The following P2RY2 variants were observed in gnomAD, a reference collection of about 807,000 sequenced individuals.
P2RY2 encodes purinergic receptor P2Y2, also known as P2Y purinoceptor 2.
For missense variants in P2RY2, 567 were observed against 515.7 expected, an observed-to-expected ratio of 1.10 and a Z score of -0.96; for synonymous variants, 241 against 231.9, an observed-to-expected ratio of 1.04 and a Z score of -0.35.
At position 73,228,039 on chromosome 11, in the gene P2RY2, C is replaced by T. The variant is rs1185819028; in HGVS notation, c.-141C>T. 1 of 152,226 alleles carries T rather than the reference C, an allele frequency of 6.6e-6. No homozygotes were observed. Among genetic ancestry groups the T allele is most frequent in the Non-Finnish European group, 1.5e-5 (1 of 68,080 alleles). 9.4% of individuals were successfully genotyped at this position (152,226 alleles called of 1,614,324 possible). A position where few individuals can be genotyped will look rare whatever the true frequency, so the allele number is the denominator to read the frequency against. ...AAAAATGCTGGAGGCTGGGCGTGGC[C>T]CCAGGCCTGGGGACCTGTTTTTCCT... On this transcript the variant is annotated 5_prime_UTR_variant, in exon 2 of 3. Coordinates refer to ENST00000393597, the MANE Select transcript of P2RY2 (RefSeq NM_002564.4).
At chr11:73,231,683 C>A (rs1260911434) in intron 2 of P2RY2, among the ~76,000 whole-genome samples, 2 of 152,166 alleles carry the variant, frequency 1.3e-5, no homozygotes, top group Non-Finnish European at 2.9e-5. Flanking sequence ...GGAAAAGCAG[C>A]TCAGGGTCTA....
In P2RY2 at chr11:73,237,877, C is replaced by G. The variant is rs1862691255; in HGVS notation, c.*2584C>G. Among the ~76,000 whole-genome samples, 2 of 152,220 alleles carry G rather than the reference C, an allele frequency of 1.3e-5. No individual in the cohort carries two copies. The highest frequency in any genetic ancestry group is 4.8e-5 in the African/African-American group (2 of 41,464). On this transcript the variant is annotated 3_prime_UTR_variant, in exon 3 of 3. Transcript: ENST00000393597. ...TCCACTCCTGGCCCCAGACCATTGT[C>G]CAGCAGTGACGTGAGGGGATCTGCC...
At chr11:73,223,089 C>T (rs191095407) in intron 1 of P2RY2, among the ~76,000 whole-genome samples, 11 of 152,234 alleles carry the variant, frequency 7.2e-5, no homozygotes, top group East Asian at 3.9e-4. Flanking sequence ...TCAGGAGCAA[C>T]GAGTAATAGA....
chr11:73,236,439 G>A lies in P2RY2; in HGVS notation c.*1146G>A. The A allele has an allele frequency of 1.6e-6, 1 of 610,398 alleles. No individual in the cohort carries two copies. 37.8% of individuals were successfully genotyped at this position (610,398 alleles called of 1,614,324 possible). A position where few individuals can be genotyped will look rare whatever the true frequency, so the allele number is the denominator to read the frequency against. ...GATAATGCCGAGTGGCTGGGGCTGT[G>A]AGCCAGGGGGTCAGGGAAGGGTTCC... On this transcript the variant is annotated 3_prime_UTR_variant, in exon 3 of 3. Coordinates refer to ENST00000393597, the MANE Select transcript of P2RY2 (RefSeq NM_002564.4).
chr11:73,228,575 A>G lies in P2RY2; in HGVS notation c.-5+400A>G, dbSNP rs566526610. ...CCTCAGACAGCCAATCCATCTCCAGAGCGCCCATGTCCAATCCCCTCCCAC... is the reference window on the plus strand; with the variant it reads ...CCTCAGACAGCCAATCCATCTCCAGGGCGCCCATGTCCAATCCCCTCCCAC... On this transcript the variant is annotated intron_variant, in intron 2 of 2. Transcript: ENST00000393597. Among the ~76,000 whole-genome samples the G allele has an allele frequency of 9.1e-4, 138 of 152,280 alleles. 1 individual carries two copies. Among genetic ancestry groups the G allele is most frequent in the Non-Finnish European group, 1.3e-3 (91 of 68,012 alleles).
Position 73,241,756 on chromosome 11 carries a change from G to A in P2RY2, c.*6463G>A, listed in dbSNP as rs1227421052. The A allele has an allele frequency of 6.6e-6, 1 of 152,336 alleles. No individual in the cohort carries two copies. Among genetic ancestry groups the A allele is most frequent in the East Asian group, 1.9e-4 (1 of 5,190 alleles). 9.4% of individuals were successfully genotyped at this position (152,336 alleles called of 1,614,324 possible). ...GAAAGGGACCAATGTGTCTTTCCTGGTGATGCTACAGCCCTCTCTTGCTGA... is the reference window on the plus strand; with the variant it reads ...GAAAGGGACCAATGTGTCTTTCCTGATGATGCTACAGCCCTCTCTTGCTGA... On this transcript the variant is annotated 3_prime_UTR_variant, in exon 3 of 3. Coordinates refer to ENST00000393597, the MANE Select transcript of P2RY2 (RefSeq NM_002564.4).
chr11:73,229,764 C>T (rs977895558), intron 2 of P2RY2, among the ~76,000 whole-genome samples: 1 of 152,100 alleles, frequency 6.6e-6, no homozygotes, highest in Non-Finnish European at 1.5e-5. Context: ...GCAGGAAACT[C>T]TTCATGCAGG....
rs1299975465 is a variant in P2RY2, at chr11:73,234,607, G to A, written c.448G>A (p.Ala150Thr). Residue 150 changes from alanine to threonine, a missense_variant, in exon 3 of 3, where the codon GCT (alanine) becomes ACT (threonine). By Grantham distance (58) the Ala-to-Thr change is moderately conservative (BLOSUM62 0). Coordinates refer to ENST00000393597, the MANE Select transcript of P2RY2 (RefSeq NM_002564.4). ...CCTGCGCTGGGGCCGGGCCCGCTAC[G>A]CTCGCCGGGTGGCCGGGGCCGTGTG... ...RSLRWGRARY[A>T]RRVAGAVWVL... The A allele has an allele frequency of 6.4e-7, 1 of 1,566,118 alleles. No individual in the cohort carries two copies. The highest frequency in any genetic ancestry group is 8.7e-7 in the Non-Finnish European group (1 of 1,155,274).
intron 2 of P2RY2, among the ~76,000 whole-genome samples, chr11:73,229,016 C>CATTT (rs1862370240): frequency 1.3e-5 from 2 of 152,022 alleles, no homozygotes; most frequent in Admixed American, 1.3e-4. Flanking sequence ...TTCATTCATT[C>CATTT]ATTCATTCTC....
In P2RY2 at chr11:73,236,916, A is replaced by G; in HGVS notation, c.*1623A>G. ...CCTAGCCTTTGGAAAGGGACAGGGC[A>G]AAGCTGACAGGCCTCACTCTTGATC... On this transcript the variant is annotated 3_prime_UTR_variant, in exon 3 of 3. Coordinates refer to ENST00000393597, the MANE Select transcript of P2RY2 (RefSeq NM_002564.4). 1.0e-6 allele frequency: 1 copy of G among 985,108 alleles called. No homozygotes were observed. The highest frequency in any genetic ancestry group is 1.2e-6 in the Non-Finnish European group (1 of 829,714). The allele number at this position is 985,108 out of a possible 1,614,324, so 61.0% of individuals were successfully genotyped here. A position where few individuals can be genotyped will look rare whatever the true frequency, so the allele number is the denominator to read the frequency against.
intron 2 of P2RY2, among the ~76,000 whole-genome samples, chr11:73,228,961 C>T (rs955506994): frequency 6.6e-6 from 1 of 151,896 alleles, no homozygotes; most frequent in Non-Finnish European, 1.5e-5. Context: ...CTGTGTGTGC[C>T]TCCTCTGGGC....
chr11:73,242,224 CAT>C lies in P2RY2; in HGVS notation c.*6932_*6933del, dbSNP rs1287049988. On this transcript the variant is annotated 3_prime_UTR_variant, in exon 3 of 3. Coordinates refer to ENST00000393597, the MANE Select transcript of P2RY2 (RefSeq NM_002564.4). ...GAACCAAATTCCAAATCAGCAGCCA[CAT>C]GAAAAGTCCCCTCCTCTCTGGCGTG... 16 of 152,320 alleles carry C rather than the reference CAT, an allele frequency of 1.1e-4. No individual in the cohort carries two copies. In the East Asian group the frequency reaches 3.1e-3, roughly 29 times the overall value. The allele number at this position is 152,320 out of a possible 1,614,324, so 9.4% of individuals were successfully genotyped here. A position where few individuals can be genotyped will look rare whatever the true frequency, so the allele number is the denominator to read the frequency against.
rs1232001406 is a variant in P2RY2, at chr11:73,240,005, C to G, written c.*4712C>G. On this transcript the variant is annotated 3_prime_UTR_variant, in exon 3 of 3. Coordinates refer to ENST00000393597, the MANE Select transcript of P2RY2 (RefSeq NM_002564.4). ...GAAGGGTTGGGGTGAGAACTGAGCC[C>G]GAGTCGAACTCATCCTCCTCTGCCC... is the stretch of plus-strand genomic sequence containing the variant. The G allele has an allele frequency of 6.6e-6, 1 of 152,424 alleles. No individual in the cohort carries two copies. Among genetic ancestry groups the G allele is most frequent in the Non-Finnish European group, 1.5e-5 (1 of 68,238 alleles). The allele number at this position is 152,424 out of a possible 1,614,324, so 9.4% of individuals were successfully genotyped here. A position where few individuals can be genotyped will look rare whatever the true frequency, so the allele number is the denominator to read the frequency against.
At position 73,234,221 on chromosome 11, in the gene P2RY2, T is replaced by A. The variant is rs1457589729; in HGVS notation, c.62T>A (p.Leu21Gln). ...TINGTWDGDE[L>Q]GYRCRFNEDF... ...AATGGCACCTGGGATGGGGATGAGC[T>A]GGGCTACAGGTGCCGCTTCAACGAG... Residue 21 changes from leucine to glutamine, a missense_variant, in exon 3 of 3, where the codon CTG (leucine) becomes CAG (glutamine). Leu to Gln is a moderately radical substitution (Grantham distance 113). Transcript: ENST00000393597. 1 of 1,614,158 alleles carries A rather than the reference T, an allele frequency of 6.2e-7. No homozygotes were observed.
rs775568637 is a variant in P2RY2 at position 73,234,739 on chromosome 11, C to G, written c.580C>G (p.Arg194Gly). ...CACCTCGGCACCCGAGCTCTTCAGC[C>G]GCTTCGTGGCCTACAGCTCAGTCAT... ...HDTSAPELFS[R>G]FVAYSSVMLG... The change falls in exon 3 of 3, where the codon CGC becomes GGC. Residue 194 changes from arginine (R) to glycine (G), a missense_variant. Coordinates refer to ENST00000393597, the MANE Select transcript of P2RY2 (RefSeq NM_002564.4). 2.5e-6 allele frequency: 4 copies of G among 1,610,158 alleles called. No individual in the cohort carries two copies. In the South Asian group the frequency reaches 4.4e-5, roughly 18 times the overall value.
intron 2 of P2RY2, among the ~76,000 whole-genome samples, chr11:73,230,912 T>G (rs1409090923): frequency 7.6e-5 from 2 of 26,234 alleles, no homozygotes; most frequent in Non-Finnish European, 1.4e-4. Flanking sequence ...CTCTGGATTT[T>G]TGTGGGTGGG....
chr11:73,221,604 C>G (rs1163587080), intron 1 of P2RY2, among the ~76,000 whole-genome samples: 2 of 152,156 alleles, frequency 1.3e-5, no homozygotes, highest in African/African-American at 4.8e-5. Flanking sequence ...TGGGGGTTGC[C>G]CCTCATGCCT....
chr11:73,232,397 A>G (rs1392391199), intron 2 of P2RY2, among the ~76,000 whole-genome samples: 1 of 150,504 alleles, frequency 6.6e-6, no homozygotes, highest in African/African-American at 2.5e-5. Context: ...AGAACACATC[A>G]TATGGATAAA....
In P2RY2 at chr11:73,234,724, C is replaced by T. The variant is rs1371982260; in HGVS notation, c.565C>T (p.Pro189Ser). The change falls in exon 3 of 3, where the codon CCC becomes TCC. Residue 189 changes from proline to serine, a missense_variant. Transcript: ENST00000393597. Reference sequence around the variant, plus strand: ...CGTAACCTGCCACGACACCTCGGCACCCGAGCTCTTCAGCCGCTTCGTGGC... The same window carrying T: ...CGTAACCTGCCACGACACCTCGGCATCCGAGCTCTTCAGCCGCTTCGTGGC... The part of the protein sequence containing the change: ...GRVTCHDTSA[P>S]ELFSRFVAYS... The T allele has an allele frequency of 2.5e-6, 4 of 1,609,090 alleles. No homozygotes were observed. Among genetic ancestry groups the T allele is most frequent in the African/African-American group, 2.7e-5 (2 of 74,932 alleles).
Sources: gnomAD v4.1 joint callset for allele counts (sites outside exome capture counted in the v4.1 genomes callset) on GRCh38, gnomAD v4.1.1 for gene constraint, MANE v1.5 for transcripts, NCBI Gene and HGNC (gene_info 2026-07-23, HGNC 2026-07-21) for gene names.